NRXN1: variants seen among roughly 807,000 people sequenced by gnomAD.
The protein encoded by NRXN1 is neurexin 1, also known as neurexin-1.
In NRXN1, 39 loss-of-function variants were observed where a neutral mutation model predicts 150.9. The observed-to-expected ratio is 0.26, with a 90% confidence interval of 0.20 to 0.34. The LOEUF is 0.34. NRXN1 is among the 10% of genes least tolerant of loss of function. The pLI is 1.00. For synonymous variants in NRXN1, 924 were observed against 757.0 expected (o/e 1.22, Z -3.62); for missense variants, 1,815 against 1,949.9 (o/e 0.93, Z 1.30).
intron 8 of NRXN1, among the ~76,000 whole-genome samples, chr2:50,595,619 G>A (rs1039071656): frequency 5.9e-5 from 9 of 152,120 alleles, no homozygotes; most frequent in South Asian, 4.1e-4. Context: ...GAGATTAATA[G>A]AAACGGATCA....
At chr2:50,677,098 C>T (rs1689656198) in intron 5 of NRXN1, among the ~76,000 whole-genome samples, 1 of 152,156 alleles carries the variant, frequency 6.6e-6, no homozygotes, top group Non-Finnish European at 1.5e-5. Flanking sequence ...AGGGGCATGA[C>T]AGCTTGTGCA....
chr2:50,334,269 A>G (rs1446122037), intron 17 of NRXN1, among the ~76,000 whole-genome samples: 2 of 149,962 alleles, frequency 1.3e-5, no homozygotes, highest in African/African-American at 2.5e-5. Flanking sequence ...ACACATACAT[A>G]CACACACGTA....
intron 5 of NRXN1, among the ~76,000 whole-genome samples, chr2:50,842,073 A>G (rs1672959880): frequency 6.6e-6 from 1 of 152,228 alleles, no homozygotes; most frequent in Non-Finnish European, 1.5e-5. Context: ...CTCCATTTAC[A>G]GAAGCCATGT....
At chr2:50,066,212 A>T (rs540729149) in intron 19 of NRXN1, among the ~76,000 whole-genome samples, 39 of 152,238 alleles carry the variant, frequency 2.6e-4, no homozygotes, top group Middle Eastern at 3.4e-3. Flanking sequence ...GTGCCCATGT[A>T]CTCTGAAATT....
At chr2:50,008,798 C>T (rs1685173581) in intron 21 of NRXN1, among the ~76,000 whole-genome samples, 1 of 152,058 alleles carries the variant, frequency 6.6e-6, no homozygotes, top group Admixed American at 6.6e-5. Flanking sequence ...GCTAATTCTA[C>T]AAAGTATATA....
intron 8 of NRXN1, among the ~76,000 whole-genome samples, chr2:50,580,330 A>G (rs370145132): frequency 7.2e-5 from 11 of 152,268 alleles, no homozygotes; most frequent in African/African-American, 2.4e-4. Flanking sequence ...ACATCCATAA[A>G]CAAAGCTAGC....
chr2:50,546,204 G>T (rs192756718), intron 9 of NRXN1, among the ~76,000 whole-genome samples: 25 of 152,258 alleles, frequency 1.6e-4, no homozygotes, highest in Admixed American at 4.6e-4. Context: ...CATGAGATAA[G>T]GAAATGTATA....
chr2:50,154,152 T>A (rs1479512845), intron 18 of NRXN1, among the ~76,000 whole-genome samples: 1 of 151,734 alleles, frequency 6.6e-6, no homozygotes, highest in Non-Finnish European at 1.5e-5. Context: ...CTTCCTTTTT[T>A]TAGATCTTCC....
intron 16 of NRXN1, 53 bp from the exon 17 acceptor site, chr2:50,465,614 T>G: frequency 6.5e-7 from 1 of 1,538,694 alleles, no homozygotes; most frequent in South Asian, 1.2e-5. Context: ...CCAAAAGCAT[T>G]TTATACATGA....
At chr2:50,018,674 G>A (rs369329400) in intron 21 of NRXN1, among the ~76,000 whole-genome samples, 11 of 152,274 alleles carry the variant, frequency 7.2e-5, no homozygotes, top group African/African-American at 2.6e-4. Flanking sequence ...AACACATAAT[G>A]TTTTTATAGA....
At chr2:50,164,825 C>T (rs543347609) in intron 18 of NRXN1, among the ~76,000 whole-genome samples, 8 of 152,080 alleles carry the variant, frequency 5.3e-5, no homozygotes, top group African/African-American at 1.4e-4. Context: ...GTCAAAACAC[C>T]CAATTTAAGT....
At chr2:50,747,314 G>A (rs573631224) in intron 5 of NRXN1, among the ~76,000 whole-genome samples, 18 of 152,202 alleles carry the variant, frequency 1.2e-4, no homozygotes, top group Non-Finnish European at 2.4e-4. Context: ...ACAGGAATGA[G>A]GAGATCAGAC....
rs1415478636 is a variant in NRXN1 at position 51,031,997 on chromosome 2, C to T, written c.-938G>A. 6.6e-6 allele frequency: 1 copy of T among 152,230 alleles called. No homozygotes were observed. The highest frequency in any genetic ancestry group is 1.5e-5 in the Non-Finnish European group (1 of 68,116). 9.4% of individuals were successfully genotyped at this position (152,230 alleles called of 1,614,324 possible). On this transcript the variant is annotated 5_prime_UTR_variant, in exon 1 of 23. Coordinates refer to ENST00000401669, the MANE Select transcript of NRXN1 (RefSeq NM_001330078.2). ...CTTCTTTACCTGCCCGGTTATTCCC[C>T]TCAGCTCGAGCCAGAGCCTGAAGCA...
intron 17 of NRXN1, among the ~76,000 whole-genome samples, chr2:50,360,341 G>A (rs190411949): frequency 1.7e-4 from 26 of 152,216 alleles, no homozygotes; most frequent in African/African-American, 5.1e-4. Context: ...AAGACCAATC[G>A]GTGTGCTGTA....
At chr2:50,310,775 T>C (rs1210257624) in intron 17 of NRXN1, among the ~76,000 whole-genome samples, 2 of 152,290 alleles carry the variant, frequency 1.3e-5, no homozygotes, top group East Asian at 1.9e-4. Context: ...TTATATCATA[T>C]ATATACTGAT....
chr2:50,411,225 G>T (rs892833911), intron 17 of NRXN1, among the ~76,000 whole-genome samples: 1 of 152,086 alleles, frequency 6.6e-6, no homozygotes, highest in South Asian at 2.1e-4. Flanking sequence ...ACGGGGTTTC[G>T]CCGTGTTGGC....
chr2:50,503,213 C>A (rs1462047866), intron 13 of NRXN1, among the ~76,000 whole-genome samples: 1 of 151,538 alleles, frequency 6.6e-6, no homozygotes, highest in African/African-American at 2.4e-5. Context: ...GAAGCTGAGA[C>A]AGGAGAATCA....
At chr2:50,909,310 G>A (rs1488646147) in intron 5 of NRXN1, among the ~76,000 whole-genome samples, 1 of 152,040 alleles carries the variant, frequency 6.6e-6, no homozygotes, top group East Asian at 1.9e-4. Flanking sequence ...CCTTCTGAAA[G>A]CATAAACAGC....
intron 17 of NRXN1, among the ~76,000 whole-genome samples, chr2:50,410,871 G>A (rs1299083282): frequency 6.6e-6 from 1 of 152,178 alleles, no homozygotes; most frequent in African/African-American, 2.4e-5. Context: ...AATCAAAAGA[G>A]AAGGAGGCAA....
Sources: allele counts gnomAD v4.1 joint callset (sites outside exome capture counted in the v4.1 genomes callset), GRCh38; gene constraint gnomAD v4.1.1; transcripts MANE v1.5; gene names NCBI Gene and HGNC (gene_info 2026-07-23, HGNC 2026-07-21).